PPP3CA: variants seen among roughly 807,000 people sequenced by gnomAD.
PPP3CA encodes CAM-PRP catalytic subunit.
Under a neutral mutation model 66.5 loss-of-function variants are expected in PPP3CA, and 14 were observed. That is an observed-to-expected ratio of 0.21 (90% CI 0.14 to 0.33). PPP3CA has a LOEUF of 0.33. Among genes scored for constraint, PPP3CA ranks in the 10% least tolerant of loss-of-function variants. The pLI is 1.00. For missense variants in PPP3CA, 317 were observed against 639.5 expected, an observed-to-expected ratio of 0.50 and a Z score of 5.44; for synonymous variants, 232 against 226.2, an observed-to-expected ratio of 1.03 and a Z score of -0.23.
At chr4:101,072,377 T>C (rs377207854) in intron 8 of PPP3CA, among the ~76,000 whole-genome samples, 7 of 152,006 alleles carry the variant, frequency 4.6e-5, no homozygotes, top group African/African-American at 1.2e-4. Context: ...GGCAGAAGAG[T>C]ACAGACAGAG....
chr4:101,053,329 T>C (rs1223993136), intron 10 of PPP3CA, among the ~76,000 whole-genome samples: 1 of 152,132 alleles, frequency 6.6e-6, no homozygotes, highest in African/African-American at 2.4e-5. Context: ...TTATATCTCA[T>C]ATTAATTTTT....
At chr4:101,287,028 G>GAA (rs551164296) in intron 1 of PPP3CA, among the ~76,000 whole-genome samples, 5 of 126,980 alleles carry the variant, frequency 3.9e-5, no homozygotes, top group Admixed American at 7.8e-5. Flanking sequence ...TTGCACAACA[G>GAA]AAAAAAAAAA....
chr4:101,075,266 A>T (rs1306470314), intron 8 of PPP3CA, among the ~76,000 whole-genome samples: 1 of 152,102 alleles, frequency 6.6e-6, no homozygotes, highest in Non-Finnish European at 1.5e-5. Flanking sequence ...TTCCTTAACT[A>T]CTTTAATATT....
At chr4:101,150,628 G>A (rs923218614) in intron 2 of PPP3CA, among the ~76,000 whole-genome samples, 7 of 152,016 alleles carry the variant, frequency 4.6e-5, no homozygotes, top group Admixed American at 6.6e-5. Context: ...AACCTACTGG[G>A]ACCAAAGTAT....
At chr4:101,222,251 A>C (rs1725649363) in intron 1 of PPP3CA, among the ~76,000 whole-genome samples, 1 of 151,640 alleles carries the variant, frequency 6.6e-6, no homozygotes, top group Non-Finnish European at 1.5e-5. Context: ...TCCTTTAGTT[A>C]GGAGAGAAAG....
intron 1 of PPP3CA, among the ~76,000 whole-genome samples, chr4:101,238,302 ATACCTTGTCCTTCAC>A (rs1393058875): frequency 6.6e-6 from 1 of 152,070 alleles, no homozygotes; most frequent in Non-Finnish European, 1.5e-5. Flanking sequence ...AATTGATTTA[ATACCTTGTCCTTCAC>A]TCTGAGACCA....
intron 10 of PPP3CA, among the ~76,000 whole-genome samples, chr4:101,043,208 A>T (rs1578398407): frequency 6.6e-6 from 1 of 152,270 alleles, no homozygotes; most frequent in East Asian, 1.9e-4. Context: ...AAAATCAAAT[A>T]AGTAAAAAAT....
At chr4:101,059,564 T>C (rs886966467) in intron 10 of PPP3CA, among the ~76,000 whole-genome samples, 4 of 152,154 alleles carry the variant, frequency 2.6e-5, no homozygotes, top group Non-Finnish European at 5.9e-5. Context: ...CATTAGGTAT[T>C]TTGCATTTAT....
At chr4:101,088,493 G>C (rs533410901) in intron 6 of PPP3CA, among the ~76,000 whole-genome samples, 1 of 149,260 alleles carries the variant, frequency 6.7e-6, no homozygotes, top group Non-Finnish European at 1.5e-5. Flanking sequence ...GCTGAGGCAG[G>C]AGAATGGTGT....
At chr4:101,158,322 A>C (rs1723391055) in intron 2 of PPP3CA, 1 of 152,246 alleles carries the variant, frequency 6.6e-6, no homozygotes, top group Non-Finnish European at 1.5e-5. Flanking sequence ...CGAAGAAAGA[A>C]TGTGTTATGC....
chr4:101,218,881 G>T lies in PPP3CA; in HGVS notation c.59-22765C>A, dbSNP rs545022369. Reference sequence around the variant, plus strand: ...AAGCAGACACAAGTGAAAAATACAAGAATATTCTCTACCACTATTTGTACT... The same window carrying T: ...AAGCAGACACAAGTGAAAAATACAATAATATTCTCTACCACTATTTGTACT... On this transcript the variant is annotated intron_variant, in intron 1 of 13. Coordinates refer to ENST00000394854, the MANE Select transcript of PPP3CA (RefSeq NM_000944.5). Among the ~76,000 whole-genome samples the T allele has an allele frequency of 2.6e-5, 4 of 152,080 alleles. No homozygotes were observed. The South Asian group carries it at 6.2e-4, about 24-fold the overall frequency.
intron 11 of PPP3CA, 45 bp downstream of exon 11, chr4:101,040,437 C>A: frequency 7.4e-7 from 1 of 1,348,126 alleles, no homozygotes; most frequent in South Asian, 1.4e-5. Flanking sequence ...TATTAGGTGA[C>A]ACATAATACA....
chr4:101,245,004 A>G (rs1473545452), intron 1 of PPP3CA, among the ~76,000 whole-genome samples: 1 of 152,242 alleles, frequency 6.6e-6, no homozygotes, highest in East Asian at 1.9e-4. Context: ...TTGGGCTATC[A>G]TAAACACCAG....
intron 2 of PPP3CA, among the ~76,000 whole-genome samples, chr4:101,159,099 C>G (rs1018074105): frequency 1.3e-5 from 2 of 152,138 alleles, no homozygotes; most frequent in Non-Finnish European, 2.9e-5. Flanking sequence ...GAAACTGAGG[C>G]TCAGCGAGTT....
Position 101,347,162 on chromosome 4 carries a change from A to G in PPP3CA, c.-366T>C, listed in dbSNP as rs1373403902. ...CACACGAGCACCCACCCCGGCACGG[A>G]GACCCAGCACCGCGGAATGGAGCCC... On this transcript the variant is annotated 5_prime_UTR_variant, in exon 1 of 14. Transcript: ENST00000394854. 2.5e-6 allele frequency: 1 copy of G among 402,554 alleles called. No homozygotes were observed. Among genetic ancestry groups the G allele is most frequent in the East Asian group, 6.4e-5 (1 of 15,524 alleles). 24.9% of individuals were successfully genotyped at this position (402,554 alleles called of 1,614,324 possible).
intron 2 of PPP3CA, among the ~76,000 whole-genome samples, chr4:101,139,201 G>A (rs1394560026): frequency 6.6e-6 from 1 of 151,970 alleles, no homozygotes; most frequent in Non-Finnish European, 1.5e-5. Flanking sequence ...AACAAAATTA[G>A]CCAGGTGTGG....
chr4:101,188,407 G>C (rs1449160278), intron 2 of PPP3CA, among the ~76,000 whole-genome samples: 1 of 151,754 alleles, frequency 6.6e-6, no homozygotes, highest in Non-Finnish European at 1.5e-5. Flanking sequence ...ATACAATGTT[G>C]TTTCATAAAA....
chr4:101,124,693 GAA>G (rs1239898391), intron 2 of PPP3CA, among the ~76,000 whole-genome samples: 6 of 88,302 alleles, frequency 6.8e-5, no homozygotes, highest in African/African-American at 3.0e-4. Context: ...AAGAAAGAAA[GAA>G]AGAAAGAAAG....
intron 1 of PPP3CA, among the ~76,000 whole-genome samples, chr4:101,302,665 G>C (rs1005499650): frequency 5.3e-5 from 8 of 152,110 alleles, no homozygotes; most frequent in African/African-American, 1.9e-4. Context: ...TAGTAGCTGG[G>C]ACTACAGCAC....
Sources: gnomAD v4.1 joint callset for allele counts (sites outside exome capture counted in the v4.1 genomes callset) on GRCh38, gnomAD v4.1.1 for gene constraint, MANE v1.5 for transcripts, NCBI Gene and HGNC (gene_info 2026-07-23, HGNC 2026-07-21) for gene names.